The following NAALADL2 variants were observed in gnomAD, a reference collection of about 807,000 sequenced individuals.
NAALADL2 encodes N-acetylated alpha-linked acidic dipeptidase like 2, also known as inactive N-acetylated-alpha-linked acidic dipeptidase-like protein 2.
NAALADL2 carries 76 observed loss-of-function variants against 87.2 expected under a neutral mutation model. That is an observed-to-expected ratio of 0.87 (90% CI 0.72 to 1.05). The LOEUF (loss-of-function observed/expected upper bound fraction) is 1.05. Ranked by LOEUF, NAALADL2 falls within the 50% of genes least tolerant of loss-of-function variation. The pLI, the probability that NAALADL2 is intolerant of heterozygous loss-of-function variation, is 0.00. For synonymous variants in NAALADL2, 354 were observed against 331.0 expected, an observed-to-expected ratio of 1.07 and a Z score of -0.75; for missense variants, 1,089 against 945.8, an observed-to-expected ratio of 1.15 and a Z score of -1.99.
chr3:174,601,425 G>T (rs1238512679), intron 2 of NAALADL2, among the ~76,000 whole-genome samples: 1 of 152,012 alleles, frequency 6.6e-6, no homozygotes, highest in Non-Finnish European at 1.5e-5. Flanking sequence ...ATACCTGTTT[G>T]CCATTTGTAT....
At chr3:174,921,983 A>G (rs1455126236) in intron 1 of NAALADL2, among the ~76,000 whole-genome samples, 1 of 151,994 alleles carries the variant, frequency 6.6e-6, no homozygotes, top group Non-Finnish European at 1.5e-5. Context: ...CATGAAAAAA[A>G]CATATGTATG....
intron 2 of NAALADL2, among the ~76,000 whole-genome samples, chr3:174,649,387 A>C (rs1187374428): frequency 6.6e-6 from 1 of 152,150 alleles, no homozygotes; most frequent in Non-Finnish European, 1.5e-5. Context: ...CTGATTTTCT[A>C]GTTATATAAA....
At chr3:175,558,834 G>C (rs767390026) in intron 9 of NAALADL2, among the ~76,000 whole-genome samples, 4 of 152,088 alleles carry the variant, frequency 2.6e-5, no homozygotes, top group Non-Finnish European at 5.9e-5. Context: ...TAACTCTGTA[G>C]TATAATTTAA....
chr3:175,131,098 T>C (rs1727769207), intron 2 of NAALADL2, among the ~76,000 whole-genome samples: 1 of 152,140 alleles, frequency 6.6e-6, no homozygotes, highest in Admixed American at 6.5e-5. Context: ...GTTTTACAGT[T>C]TTCCTTGAAC....
chr3:174,719,909 C>T (rs1361409287), intron 2 of NAALADL2, among the ~76,000 whole-genome samples: 1 of 152,194 alleles, frequency 6.6e-6, no homozygotes, highest in African/African-American at 2.4e-5. Context: ...TCAAGCGATT[C>T]TCCTGCCTCA....
chr3:174,934,365 C>T (rs1737358765), intron 1 of NAALADL2, among the ~76,000 whole-genome samples: 1 of 152,150 alleles, frequency 6.6e-6, no homozygotes. Flanking sequence ...ACTGACAACC[C>T]TCAGATCTCA....
intron 10 of NAALADL2, among the ~76,000 whole-genome samples, chr3:175,597,596 A>C (rs762100583): frequency 2.0e-5 from 3 of 151,982 alleles, no homozygotes; most frequent in Non-Finnish European, 4.4e-5. Context: ...CCTCAGCACT[A>C]TTGGCATTTT....
intron 2 of NAALADL2, among the ~76,000 whole-genome samples, chr3:174,589,686 T>G (rs1300509516): frequency 1.3e-5 from 2 of 152,160 alleles, no homozygotes; most frequent in Non-Finnish European, 2.9e-5. Context: ...ATTCATTAGG[T>G]AGGGAGAGCC....
chr3:175,446,454 C>A (rs1205598871), intron 5 of NAALADL2, among the ~76,000 whole-genome samples: 3 of 152,122 alleles, frequency 2.0e-5, no homozygotes, highest in Non-Finnish European at 4.4e-5. Flanking sequence ...ATTGGCCAGG[C>A]TAGTCTTGAA....
intron 10 of NAALADL2, among the ~76,000 whole-genome samples, chr3:175,620,989 A>G (rs4605557): frequency 0.72 from 108,850 of 152,048 alleles, 40,250 homozygotes; most frequent in East Asian, 0.87. Context: ...GGTTTGGAAT[A>G]AGGAGGCTCT....
intron 1 of NAALADL2, among the ~76,000 whole-genome samples, chr3:174,502,606 A>G (rs964014224): frequency 7.9e-5 from 12 of 152,202 alleles, no homozygotes; most frequent in Admixed American, 1.3e-4. Context: ...ATATATGTAT[A>G]TAAACCTCAT....
At chr3:175,200,769 T>G (rs539719337) in intron 2 of NAALADL2, among the ~76,000 whole-genome samples, 1 of 152,336 alleles carries the variant, frequency 6.6e-6, no homozygotes, top group Non-Finnish European at 1.5e-5. Flanking sequence ...GACTCTTTCC[T>G]GCAAACTTTT....
chr3:175,418,841 T>C (rs1173037500), intron 5 of NAALADL2, among the ~76,000 whole-genome samples: 1 of 152,024 alleles, frequency 6.6e-6, no homozygotes, highest in East Asian at 1.9e-4. Context: ...CTTCAGGCAC[T>C]CAAATTAAAT....
intron 2 of NAALADL2, among the ~76,000 whole-genome samples, chr3:175,193,719 A>C (rs542103885): frequency 6.6e-6 from 1 of 152,102 alleles, no homozygotes; most frequent in Admixed American, 6.5e-5. Flanking sequence ...TGCTTTGTTT[A>C]GAGGAGTTTT....
chr3:174,763,823 A>C (rs989299552), intron 3 of NAALADL2, among the ~76,000 whole-genome samples: 12 of 77,756 alleles, frequency 1.5e-4, no homozygotes, highest in East Asian at 5.0e-4. Flanking sequence ...TAAAACCAAA[A>C]CAAAACAAAA....
intron 6 of NAALADL2, among the ~76,000 whole-genome samples, chr3:175,454,436 A>G (rs1185847871): frequency 1.3e-5 from 2 of 151,756 alleles, no homozygotes; most frequent in Non-Finnish European, 2.9e-5. Context: ...AGGGAGGGGG[A>G]AGTTCAGAAC....
At chr3:175,375,699 C>T (rs1245979482) in intron 5 of NAALADL2, among the ~76,000 whole-genome samples, 9 of 151,654 alleles carry the variant, frequency 5.9e-5, no homozygotes, top group South Asian at 2.1e-4. Flanking sequence ...TAGTGAATTC[C>T]GCTGCTTTAT....
chr3:174,694,885 A>G (rs1275850695), intron 2 of NAALADL2, among the ~76,000 whole-genome samples: 1 of 152,052 alleles, frequency 6.6e-6, no homozygotes, highest in Non-Finnish European at 1.5e-5. Context: ...TCTTCCATGT[A>G]GCTGCCAACA....
At chr3:175,023,207 A>C (rs1751791509) in intron 1 of NAALADL2, among the ~76,000 whole-genome samples, 1 of 152,028 alleles carries the variant, frequency 6.6e-6, no homozygotes. Flanking sequence ...AGAAGTATCC[A>C]AATCAGCACT....
Sources: allele counts gnomAD v4.1 joint callset (sites outside exome capture counted in the v4.1 genomes callset), GRCh38; gene constraint gnomAD v4.1.1; transcripts MANE v1.5; gene names NCBI Gene and HGNC (gene_info 2026-07-23, HGNC 2026-07-21).